Variants in IRAK2 observed in about 807,000 individuals in gnomAD.
The protein encoded by IRAK2 is interleukin 1 receptor associated kinase 2, also known as interleukin-1 receptor-associated kinase-like 2.
Under a neutral mutation model 72.0 loss-of-function variants are expected in IRAK2, and 57 were observed. The observed-to-expected ratio is 0.79, with a 90% CI of 0.64 to 0.99. The LOEUF (loss-of-function observed/expected upper bound fraction) is 0.99, where lower values mean the gene tolerates loss of function less well. IRAK2 is among the 50% of genes least tolerant of loss of function. IRAK2 has a pLI of 0.00. For missense variants in IRAK2, 790 were observed against 794.4 expected (o/e 0.99, Z 0.07); for synonymous variants, 293 against 312.7 (o/e 0.94, Z 0.67).
At chr3:10,198,631 G>T (rs1420572493) in intron 2 of IRAK2, among the ~76,000 whole-genome samples, 1 of 152,182 alleles carries the variant, frequency 6.6e-6, no homozygotes, top group East Asian at 1.9e-4. Context: ...AAATAAATAT[G>T]CACGGTGCCA....
chr3:10,225,324 A>G (rs562156402), intron 9 of IRAK2, among the ~76,000 whole-genome samples: 22 of 152,302 alleles, frequency 1.4e-4, no homozygotes, highest in African/African-American at 5.3e-4. Flanking sequence ...ACTGAGGCTC[A>G]GGTTTTAGTT....
At chr3:10,209,283 G>A (rs1028324459) in intron 3 of IRAK2, among the ~76,000 whole-genome samples, 7 of 152,152 alleles carry the variant, frequency 4.6e-5, no homozygotes, top group East Asian at 1.9e-4. Context: ...ACAGATTTCC[G>A]TCTGAATTTC....
At chr3:10,229,229 C>T (rs1356458296) in intron 10 of IRAK2, among the ~76,000 whole-genome samples, 1 of 152,126 alleles carries the variant, frequency 6.6e-6, no homozygotes, top group Non-Finnish European at 1.5e-5. Flanking sequence ...GAGTGAGCCA[C>T]TGCGCCTGGC....
intron 2 of IRAK2, among the ~76,000 whole-genome samples, chr3:10,182,648 T>A (rs1696978835): frequency 6.6e-6 from 1 of 151,932 alleles, no homozygotes; most frequent in East Asian, 1.9e-4. Context: ...TGACCTCAGG[T>A]GATCTGCCCG....
chr3:10,234,999 AC>A (rs1205989275), intron 11 of IRAK2, among the ~76,000 whole-genome samples: 1 of 152,142 alleles, frequency 6.6e-6, no homozygotes, highest in Non-Finnish European at 1.5e-5. Flanking sequence ...GCAGTTTATA[AC>A]AGAGAGATGA....
rs1697919948 is a variant in IRAK2 at position 10,234,554 on chromosome 3, G to T, written c.1368G>T (p.Gln456His). 2 of 1,614,104 alleles carry T rather than the reference G, an allele frequency of 1.2e-6. No homozygotes were observed. The highest frequency in any genetic ancestry group is 2.2e-5 in the East Asian group (1 of 44,870). The change falls in exon 11 of 13, where the codon CAG (glutamine) becomes CAT (histidine). Residue 456 changes from glutamine to histidine, a missense_variant. By Grantham distance (24) the Gln-to-His change is conservative (BLOSUM62 0). Coordinates refer to ENST00000256458, the MANE Select transcript of IRAK2 (RefSeq NM_001570.4). ...VENVMAKEIC[Q>H]KYLEKGAGRL... is the part of the protein sequence containing the mutation. ...ACGTGATGGCAAAGGAGATCTGCCA[G>T]AAGTACCTGGAGAAGGGCGCAGGGA...
chr3:10,226,582 C>G, intron 10 of IRAK2, 149 bp downstream of exon 10: 1 of 610,210 alleles, frequency 1.6e-6, no homozygotes, highest in Non-Finnish European at 3.0e-6. Context: ...GCAGCTTTAA[C>G]CTCCCATCCC....
intron 4 of IRAK2, among the ~76,000 whole-genome samples, chr3:10,211,012 G>T (rs1334587352): frequency 6.6e-6 from 1 of 151,248 alleles, no homozygotes; most frequent in African/African-American, 2.4e-5. Flanking sequence ...GCACATGCCA[G>T]CATGTTTGGC....
chr3:10,230,341 T>G (rs1418504609), intron 10 of IRAK2, among the ~76,000 whole-genome samples: 2 of 151,674 alleles, frequency 1.3e-5, no homozygotes, highest in Non-Finnish European at 2.9e-5. Flanking sequence ...GGGTCTCCTA[T>G]CTCCTATCTT....
chr3:10,241,331 G>A (rs1271250509), intron 12 of IRAK2, among the ~76,000 whole-genome samples: 4 of 151,810 alleles, frequency 2.6e-5, no homozygotes, highest in East Asian at 1.9e-4. Flanking sequence ...AGGCTGAGGC[G>A]GGCGGATCAC....
chr3:10,170,073 G>T (rs1414270561), intron 1 of IRAK2, among the ~76,000 whole-genome samples: 2 of 152,166 alleles, frequency 1.3e-5, no homozygotes, highest in African/African-American at 4.8e-5. Flanking sequence ...CATTCTGGAG[G>T]TCAGAAGTCC....
At chr3:10,165,334 G>A (rs544507747) in intron 1 of IRAK2, among the ~76,000 whole-genome samples, 1 of 152,120 alleles carries the variant, frequency 6.6e-6, no homozygotes, top group Admixed American at 6.6e-5. Context: ...CTGCTGGCTC[G>A]GTGACGTCCC....
At chr3:10,202,483 C>T (rs561771466) in intron 3 of IRAK2, among the ~76,000 whole-genome samples, 20 of 152,104 alleles carry the variant, frequency 1.3e-4, no homozygotes, top group African/African-American at 4.3e-4. Flanking sequence ...ATTGGCCGGG[C>T]GTGGTGGCGG....
intron 1 of IRAK2, among the ~76,000 whole-genome samples, chr3:10,166,952 A>G (rs1248688816): frequency 1.3e-5 from 2 of 152,150 alleles, no homozygotes; most frequent in Non-Finnish European, 2.9e-5. Context: ...ACCTGGCTTC[A>G]CTACTTTGAA....
intron 3 of IRAK2, among the ~76,000 whole-genome samples, chr3:10,208,783 A>G (rs1697472004): frequency 6.6e-6 from 1 of 151,798 alleles, no homozygotes; most frequent in South Asian, 2.1e-4. Flanking sequence ...AAGAAAAAAA[A>G]TCTTTTGTAG....
rs775516841 is a variant in IRAK2 at position 10,200,535 on chromosome 3, T to C, written c.424+20T>C. ...GCCCAGGTATTTTAAATTTAACTTT[T>C]TTACTTAAAGCACTTTTATTTAAGG... On this transcript the variant is annotated intron_variant, in intron 3 of 12. Transcript: ENST00000256458. 4 of 1,541,310 alleles carry C rather than the reference T, an allele frequency of 2.6e-6. No homozygotes were observed. The Middle Eastern group carries it at 5.3e-4, about 204-fold the overall frequency.
chr3:10,222,210 C>CT (rs372200298), intron 8 of IRAK2, among the ~76,000 whole-genome samples: 3 of 151,936 alleles, frequency 2.0e-5, no homozygotes, highest in African/African-American at 4.8e-5. Flanking sequence ...TTTTTTCTTT[C>CT]TTTTTTTACA....
At chr3:10,187,459 G>A (rs1289678583) in intron 2 of IRAK2, among the ~76,000 whole-genome samples, 1 of 152,216 alleles carries the variant, frequency 6.6e-6, no homozygotes, top group Admixed American at 6.5e-5. Context: ...TCATTGTCAT[G>A]TGGAGAGTAC....
At chr3:10,183,098 T>A (rs955904828) in intron 2 of IRAK2, among the ~76,000 whole-genome samples, 3 of 152,124 alleles carry the variant, frequency 2.0e-5, no homozygotes, top group Non-Finnish European at 4.4e-5. Flanking sequence ...TTAAAGGGTG[T>A]TAATGATAAA....
Sources: gnomAD v4.1 joint callset for allele counts (sites outside exome capture counted in the v4.1 genomes callset) on GRCh38, gnomAD v4.1.1 for gene constraint, MANE v1.5 for transcripts, NCBI Gene and HGNC (gene_info 2026-07-23, HGNC 2026-07-21) for gene names.